The following GRB10 variants were observed in gnomAD, a reference collection of about 807,000 sequenced individuals.
GRB10 encodes the protein growth factor receptor-bound protein 10.
GRB10 carries 20 observed loss-of-function variants against 80.9 expected under a neutral mutation model. The observed-to-expected ratio is 0.25, with a 90% CI of 0.17 to 0.36. The LOEUF (loss-of-function observed/expected upper bound fraction) is 0.36, where lower values mean the gene tolerates loss of function less well. Ranked by LOEUF, GRB10 falls within the 10% of genes least tolerant of loss-of-function variation. The pLI is 1.00. For synonymous variants in GRB10, 291 were observed against 291.5 expected, an observed-to-expected ratio of 1.00 and a Z score of 0.02; for missense variants, 548 against 747.7, an observed-to-expected ratio of 0.73 and a Z score of 3.12.
intron 5 of GRB10, among the ~76,000 whole-genome samples, chr7:50,700,694 T>C (rs1354667525): frequency 6.6e-6 from 1 of 152,224 alleles, no homozygotes; most frequent in Admixed American, 6.5e-5. Context: ...GATATTTCCA[T>C]TGCAATTTCC....
intron 7 of GRB10, among the ~76,000 whole-genome samples, chr7:50,631,916 T>C (rs1021987731): frequency 1.3e-5 from 2 of 152,176 alleles, no homozygotes; most frequent in Non-Finnish European, 2.9e-5. Flanking sequence ...CTCCCCGCCC[T>C]GGCTCTGCTT....
intron 5 of GRB10, among the ~76,000 whole-genome samples, chr7:50,692,544 A>C (rs1238822184): frequency 6.6e-6 from 1 of 152,106 alleles, no homozygotes; most frequent in Non-Finnish European, 1.5e-5. Context: ...TTGCTTGCCT[A>C]GAGTAACCAG....
At chr7:50,595,684 G>C in intron 17 of GRB10, 154 bp from the exon 18 acceptor site, 2 of 641,402 alleles carry the variant, frequency 3.1e-6, no homozygotes, top group Admixed American at 4.4e-5. Context: ...CATTTAAGTG[G>C]CCTCTAGGGG....
At chr7:50,785,713 T>C (rs568082163), upstream of GRB10, among the ~76,000 whole-genome samples, 1 of 152,330 alleles carries the variant, frequency 6.6e-6, no homozygotes, top group East Asian at 1.9e-4. Context: ...TGGCACACCC[T>C]CCTACAATAG....
At chr7:50,655,813 C>A (rs891053642) in intron 7 of GRB10, among the ~76,000 whole-genome samples, 4 of 152,254 alleles carry the variant, frequency 2.6e-5, no homozygotes, top group Admixed American at 2.6e-4. Flanking sequence ...TCCAGGGTGC[C>A]TGTGCCTTCC....
chr7:50,787,149 C>T (rs2078725728), upstream of GRB10, among the ~76,000 whole-genome samples: 2 of 152,070 alleles, frequency 1.3e-5, no homozygotes, highest in South Asian at 4.2e-4. Flanking sequence ...CTGAATGGAC[C>T]AGAAGAGACG....
intron 7 of GRB10, among the ~76,000 whole-genome samples, chr7:50,658,482 C>A (rs1008754949): frequency 1.2e-4 from 18 of 152,180 alleles, no homozygotes; most frequent in African/African-American, 4.3e-4. Context: ...CACCGATAAC[C>A]AATGACTGCA....
intron 5 of GRB10, among the ~76,000 whole-genome samples, chr7:50,703,562 G>A (rs1044861474): frequency 2.0e-5 from 3 of 148,814 alleles, no homozygotes; most frequent in African/African-American, 5.2e-5. Context: ...GTTGCCTTTC[G>A]GCTGAAACCT....
chr7:50,793,191 A>T (rs990182730), intron 1 of GRB10: 1 of 143,864 alleles, frequency 7.0e-6, no homozygotes. Flanking sequence ...CCACAAAGTA[A>T]CTTGCCGCCG....
intron 2 of GRB10, among the ~76,000 whole-genome samples, chr7:50,780,026 C>T (rs1007421452): frequency 5.9e-5 from 9 of 152,198 alleles, no homozygotes; most frequent in Non-Finnish European, 1.3e-4. Flanking sequence ...TAAATGCCTA[C>T]TGGCCCCCCA....
chr7:50,688,074 A>G (rs2062325727), intron 5 of GRB10, among the ~76,000 whole-genome samples: 1 of 152,228 alleles, frequency 6.6e-6, no homozygotes, highest in African/African-American at 2.4e-5. Flanking sequence ...TATGGCATCT[A>G]AGTAGCCTTA....
chr7:50,778,728 T>C (rs753192967), intron 2 of GRB10, among the ~76,000 whole-genome samples: 1 of 152,230 alleles, frequency 6.6e-6, no homozygotes, highest in Non-Finnish European at 1.5e-5. Context: ...TGCTTCTTTC[T>C]ATGGCTTGGA....
At chr7:50,716,379 T>C (rs192065243) in intron 4 of GRB10, among the ~76,000 whole-genome samples, 1 of 152,164 alleles carries the variant, frequency 6.6e-6, no homozygotes, top group East Asian at 1.9e-4. Context: ...TTTAAAAGAA[T>C]AGCCCCCTCC....
intron 8 of GRB10, among the ~76,000 whole-genome samples, chr7:50,622,598 T>C (rs1468180832): frequency 6.6e-6 from 1 of 152,150 alleles, no homozygotes; most frequent in Non-Finnish European, 1.5e-5. Flanking sequence ...CCAGCCTCTC[T>C]CCCAGATTAT....
intron 8 of GRB10, among the ~76,000 whole-genome samples, chr7:50,626,481 A>G (rs2052921748): frequency 6.6e-6 from 1 of 151,982 alleles, no homozygotes. Context: ...CCTCAAGGGC[A>G]CCTCCCTCCT....
Position 50,626,165 on chromosome 7 carries a change from T to C in GRB10, c.661+657A>G, listed in dbSNP as rs145443254. ...CTGAACAAAATACCTCAATACGTTC[T>C]GTAAAGAGTCAATATCTTCAAATAT... is the stretch of plus-strand genomic sequence containing the variant. On this transcript the variant is annotated intron_variant, in intron 8 of 18. Coordinates refer to ENST00000401949, the MANE Select transcript of GRB10 (RefSeq NM_001350814.2). Among the ~76,000 whole-genome samples the C allele has an allele frequency of 2.7e-3, 407 of 152,366 alleles. 1 individual carries two copies. The highest frequency in any genetic ancestry group is 9.0e-3 in the African/African-American group (373 of 41,588).
chr7:50,600,005 G>A (rs901462293), intron 17 of GRB10, among the ~76,000 whole-genome samples: 5 of 152,122 alleles, frequency 3.3e-5, no homozygotes, highest in African/African-American at 1.2e-4. Flanking sequence ...CCTGGCCTTG[G>A]GGAGGACACT....
At chr7:50,677,448 C>T (rs1327324748) in intron 5 of GRB10, among the ~76,000 whole-genome samples, 2 of 152,174 alleles carry the variant, frequency 1.3e-5, no homozygotes, top group Middle Eastern at 6.3e-3. Flanking sequence ...GAGAGCCTCA[C>T]TGCCAACTGC....
intron 2 of GRB10, among the ~76,000 whole-genome samples, chr7:50,764,105 T>C (rs2076073556): frequency 6.6e-6 from 1 of 152,102 alleles, no homozygotes; most frequent in Non-Finnish European, 1.5e-5. Context: ...TGCCTTGTAT[T>C]TGGAATTTTT....
Sources: gnomAD v4.1 joint callset for allele counts (sites outside exome capture counted in the v4.1 genomes callset) on GRCh38, gnomAD v4.1.1 for gene constraint, MANE v1.5 for transcripts, NCBI Gene and HGNC (gene_info 2026-07-23, HGNC 2026-07-21) for gene names.